Variants in ROBO1 observed in about 807,000 individuals in gnomAD.
ROBO1 encodes the protein roundabout homolog 1.
In ROBO1, 149 loss-of-function variants were observed where a neutral mutation model predicts 195.9. That is an observed-to-expected ratio of 0.76 (90% CI 0.67 to 0.87). The LOEUF (loss-of-function observed/expected upper bound fraction) is 0.87. Among genes scored for constraint, ROBO1 ranks in the 40% least tolerant of loss-of-function variants. The pLI is 0.00. For missense variants in ROBO1, 1,933 were observed against 2,068.3 expected (o/e 0.93, Z 1.27); for synonymous variants, 816 against 733.2 (o/e 1.11, Z -1.82).
chr3:78,732,528 C>A (rs1009987585), intron 5 of ROBO1, among the ~76,000 whole-genome samples: 1 of 152,136 alleles, frequency 6.6e-6, no homozygotes, highest in Non-Finnish European at 1.5e-5. Context: ...TCTTCCCATG[C>A]AAACATGTGC....
intron 8 of ROBO1, among the ~76,000 whole-genome samples, chr3:78,689,734 T>C (rs2081130306): frequency 6.6e-6 from 1 of 152,006 alleles, no homozygotes; most frequent in Non-Finnish European, 1.5e-5. Flanking sequence ...AGGACAGGGT[T>C]TGTCTACTCC....
At chr3:79,109,450 T>C (rs1048742484) in intron 3 of ROBO1, among the ~76,000 whole-genome samples, 7 of 152,014 alleles carry the variant, frequency 4.6e-5, no homozygotes, top group Non-Finnish European at 8.8e-5. Flanking sequence ...TTAAATTTTT[T>C]CTGTTTGTTT....
chr3:79,528,561 C>G (rs1359595241), intron 2 of ROBO1, among the ~76,000 whole-genome samples: 6 of 152,104 alleles, frequency 3.9e-5, no homozygotes, highest in Non-Finnish European at 7.4e-5. Context: ...GAGAATCTCT[C>G]GTCTTTAATG....
chr3:79,727,463 T>A (rs1702971668), intron 1 of ROBO1, among the ~76,000 whole-genome samples: 1 of 152,184 alleles, frequency 6.6e-6, no homozygotes, highest in Non-Finnish European at 1.5e-5. Context: ...TGGCCAAATT[T>A]AGTCTGGAAT....
intron 2 of ROBO1, among the ~76,000 whole-genome samples, chr3:79,481,246 G>T (rs927198083): frequency 2.6e-5 from 4 of 152,056 alleles, no homozygotes; most frequent in African/African-American, 9.7e-5. Context: ...CACTTCCTTT[G>T]TTCTGCAAGC....
chr3:79,209,643 T>C (rs2081935927), intron 2 of ROBO1, among the ~76,000 whole-genome samples: 2 of 152,120 alleles, frequency 1.3e-5, no homozygotes, highest in Non-Finnish European at 2.9e-5. Flanking sequence ...GCTCCCTTTT[T>C]ACCACATCCA....
rs1553721943 is a variant in ROBO1, at chr3:79,334,311, A to AAAT, written c.89-208773_89-208772insATT. Among the ~76,000 whole-genome samples the AAAT allele has an allele frequency of 2.7e-3, 359 of 131,716 alleles. 1 individual carries two copies. Among genetic ancestry groups the AAAT allele is most frequent in the African/African-American group, 6.5e-3 (227 of 34,800 alleles). The allele number at this position is 131,716 out of a possible 152,430, so 86.4% of individuals were successfully genotyped here. A position where few individuals can be genotyped will look rare whatever the true frequency, so the allele number is the denominator to read the frequency against. The stretch of plus-strand genomic sequence containing the variant: ...AGTGAGACTCTGTCTAAAAAAAAAA[A>AAAT]ATATATATATATATATATATGTGTA... On this transcript the variant is annotated intron_variant, in intron 2 of 30. Transcript: ENST00000464233.
At chr3:79,500,961 C>T (rs1353386927) in intron 2 of ROBO1, among the ~76,000 whole-genome samples, 1 of 152,012 alleles carries the variant, frequency 6.6e-6, no homozygotes, top group African/African-American at 2.4e-5. Context: ...ATCACCCTTT[C>T]CTCCCCCACC....
At chr3:79,411,657 C>T (rs1005721513) in intron 2 of ROBO1, among the ~76,000 whole-genome samples, 8 of 152,008 alleles carry the variant, frequency 5.3e-5, no homozygotes, top group Non-Finnish European at 1.0e-4. Flanking sequence ...TTTGCAAGTC[C>T]CAGGAATTCT....
At position 78,714,403 on chromosome 3, in the gene ROBO1, C is replaced by T. The variant is rs763463426; in HGVS notation, c.1039G>A (p.Val347Ile). The T allele has an allele frequency of 1.9e-6, 3 of 1,611,146 alleles. No homozygotes were observed. Among genetic ancestry groups the T allele is most frequent in the Non-Finnish European group, 2.5e-6 (3 of 1,178,714 alleles). The change falls in exon 8 of 31, where the codon GTT (valine) becomes ATT (isoleucine). Residue 347 changes from valine (V) to isoleucine (I), a missense_variant. Transcript: ENST00000464233. The part of the protein sequence containing the change: ...GKAEASATLT[V>I]QEPPHFVVKP... ...AGCCTTTCCCAATGCCTACCTTGAA[C>T]AGTCAGAGTAGCAGATGCTTCAGCT... is the stretch of plus-strand genomic sequence containing the variant.
intron 10 of ROBO1, among the ~76,000 whole-genome samples, chr3:78,673,489 A>G (rs1410305484): frequency 5.7e-5 from 8 of 141,288 alleles, no homozygotes; most frequent in Admixed American, 1.5e-4. Context: ...TATATAATAT[A>G]AATATATAAA....
chr3:79,502,442 C>T (rs1314896435), intron 2 of ROBO1, among the ~76,000 whole-genome samples: 1 of 152,148 alleles, frequency 6.6e-6, no homozygotes, highest in Non-Finnish European at 1.5e-5. Context: ...TTAGCTGCCT[C>T]CCCGCGGGGC....
intron 2 of ROBO1, among the ~76,000 whole-genome samples, chr3:79,394,778 A>G (rs966319237): frequency 2.6e-5 from 4 of 152,180 alleles, no homozygotes; most frequent in Non-Finnish European, 5.9e-5. Flanking sequence ...ATAGGCAGGT[A>G]CTAGTGAGTG....
chr3:79,223,166 A>T (rs324754), intron 2 of ROBO1, among the ~76,000 whole-genome samples: 93,798 of 151,982 alleles, frequency 0.62, 31,164 homozygotes, highest in African/African-American at 0.89. Flanking sequence ...TGAGATCAAG[A>T]TCCCTTGGAT....
chr3:79,150,016 G>A (rs925386389), intron 2 of ROBO1, among the ~76,000 whole-genome samples: 2 of 151,740 alleles, frequency 1.3e-5, no homozygotes, highest in Non-Finnish European at 2.9e-5. Context: ...GTGAAGGTCC[G>A]TTATCACTGG....
chr3:79,251,086 T>A (rs2082720403), intron 2 of ROBO1, among the ~76,000 whole-genome samples: 1 of 152,094 alleles, frequency 6.6e-6, no homozygotes, highest in Admixed American at 6.5e-5. Context: ...AGGAAATCAG[T>A]AAGATTTGTT....
intron 4 of ROBO1, among the ~76,000 whole-genome samples, chr3:78,897,417 C>G (rs1025229751): frequency 6.6e-6 from 1 of 152,284 alleles, no homozygotes; most frequent in African/African-American, 2.4e-5. Flanking sequence ...GACTTGGAAT[C>G]GCTCTTATAT....
At chr3:79,736,691 T>C (rs1279333173) in intron 1 of ROBO1, among the ~76,000 whole-genome samples, 4 of 152,210 alleles carry the variant, frequency 2.6e-5, no homozygotes, top group African/African-American at 9.6e-5. Context: ...ATCATCCAAG[T>C]TGATGTTCCA....
At chr3:79,361,172 TA>T (rs2035754714) in intron 2 of ROBO1, among the ~76,000 whole-genome samples, 1 of 152,078 alleles carries the variant, frequency 6.6e-6, no homozygotes, top group African/African-American at 2.4e-5. Context: ...TGACCTGAGA[TA>T]AATATTTTTA....
Sources: gnomAD v4.1 joint callset for allele counts (sites outside exome capture counted in the v4.1 genomes callset) on GRCh38, gnomAD v4.1.1 for gene constraint, MANE v1.5 for transcripts, NCBI Gene and HGNC (gene_info 2026-07-23, HGNC 2026-07-21) for gene names.